Variants in PTPN4 observed in about 807,000 individuals in gnomAD.
The protein encoded by PTPN4 is protein tyrosine phosphatase non-receptor type 4, also known as tyrosine-protein phosphatase non-receptor type 4.
In PTPN4, 49 loss-of-function variants were observed where a neutral mutation model predicts 135.5. The ratio of observed to expected loss-of-function variants is 0.36; its 90% CI spans 0.29 to 0.46. PTPN4 has a LOEUF of 0.46. Among genes scored for constraint, PTPN4 ranks in the 20% least tolerant of loss-of-function variants. The pLI is 1.00. For missense variants in PTPN4, 860 were observed against 1,101.0 expected (o/e 0.78, Z 3.10); for synonymous variants, 333 against 369.9 (o/e 0.90, Z 1.14).
Position 119,760,318 on chromosome 2 carries a change from C to T in PTPN4, c.-84C>T, listed in dbSNP as rs1690457555. On this transcript the variant is annotated 5_prime_UTR_variant, in exon 1 of 27. Transcript: ENST00000263708. ...GGAGCGGCACGGAGGACGCGCTTCTCCTCTGCGCGCCGGGGCCTCGAGGCT... is the reference window on the plus strand; with the variant it reads ...GGAGCGGCACGGAGGACGCGCTTCTTCTCTGCGCGCCGGGGCCTCGAGGCT... 1 of 395,264 alleles carries T rather than the reference C, an allele frequency of 2.5e-6. No individual in the cohort carries two copies. The highest frequency in any genetic ancestry group is 4.5e-6 in the Non-Finnish European group (1 of 224,054). The allele number at this position is 395,264 out of a possible 1,614,324, so 24.5% of individuals were successfully genotyped here.
intron 11 of PTPN4, among the ~76,000 whole-genome samples, chr2:119,917,303 A>T (rs1678667067): frequency 6.6e-6 from 1 of 152,232 alleles, no homozygotes; most frequent in Admixed American, 6.5e-5. Context: ...AATTGATTAA[A>T]GACAGTATAC....
Position 119,954,051 on chromosome 2 carries a change from T to C in PTPN4, c.1814-1106T>C, listed in dbSNP as rs1679246226. Among the ~76,000 whole-genome samples, 4 of 152,228 alleles carry C rather than the reference T, an allele frequency of 2.6e-5. No homozygotes were observed. The South Asian group carries it at 8.3e-4, about 31-fold the overall frequency. ...TTCCATTCTTAAAGTTTCATATAAT[T>C]AAAATTTAAAACTGTGTTTGCCAAG... On this transcript the variant is annotated intron_variant, in intron 19 of 26. Coordinates refer to ENST00000263708, the MANE Select transcript of PTPN4 (RefSeq NM_002830.4).
chr2:119,787,976 A>G (rs1217978612), intron 1 of PTPN4, among the ~76,000 whole-genome samples: 1 of 152,206 alleles, frequency 6.6e-6, no homozygotes, highest in African/African-American at 2.4e-5. Context: ...GGAGTAGGGC[A>G]GTGCATTATT....
chr2:119,859,858 A>C (rs1365012574), intron 2 of PTPN4, among the ~76,000 whole-genome samples: 1 of 152,186 alleles, frequency 6.6e-6, no homozygotes, highest in Non-Finnish European at 1.5e-5. Flanking sequence ...CTAGTAGAGA[A>C]GGGCTCAGTT....
chr2:119,852,134 A>G (rs1274615687), intron 2 of PTPN4, among the ~76,000 whole-genome samples: 1 of 152,170 alleles, frequency 6.6e-6, no homozygotes, highest in East Asian at 1.9e-4. Flanking sequence ...CTTTGTTGGG[A>G]CAACTAAATT....
At chr2:119,807,738 A>G (rs1558732124) in intron 1 of PTPN4, among the ~76,000 whole-genome samples, 1 of 152,248 alleles carries the variant, frequency 6.6e-6, no homozygotes, top group Non-Finnish European at 1.5e-5. Context: ...GGCCAGCATC[A>G]TCCTGATACC....
At chr2:119,838,751 A>G (rs1677335351) in intron 2 of PTPN4, among the ~76,000 whole-genome samples, 1 of 152,250 alleles carries the variant, frequency 6.6e-6, no homozygotes, top group African/African-American at 2.4e-5. Context: ...AATAAGAAAG[A>G]CTGAAGAATC....
Position 119,804,454 on chromosome 2 carries a change from C to T in PTPN4, c.-17-5383C>T, listed in dbSNP as rs141256122. Among the ~76,000 whole-genome samples, 1,271 of 152,202 alleles carry T rather than the reference C, an allele frequency of 8.4e-3. 9 individuals are homozygous for T. The highest frequency in any genetic ancestry group is 0.012 in the Non-Finnish European group (807 of 67,992). On this transcript the variant is annotated intron_variant, in intron 1 of 26. Transcript: ENST00000263708. The stretch of plus-strand genomic sequence containing the variant: ...TGCCCTCCACCCAACGACAGGCCCC[C>T]GTGTGTGATGTTCCCCGCCCTGTGT...
At chr2:119,844,574 G>A (rs1464903254) in intron 2 of PTPN4, among the ~76,000 whole-genome samples, 3 of 149,848 alleles carry the variant, frequency 2.0e-5, no homozygotes, top group Admixed American at 6.6e-5. Context: ...CCTCCCAGAC[G>A]GGGTCTCGGC....
At chr2:119,767,401 T>A (rs1047952666) in intron 1 of PTPN4, among the ~76,000 whole-genome samples, 3 of 152,196 alleles carry the variant, frequency 2.0e-5, no homozygotes, top group African/African-American at 7.2e-5. Flanking sequence ...ACTAAATATT[T>A]TAGTGTGTAT....
In PTPN4 at chr2:119,945,063, A is replaced by G; in HGVS notation, c.1356-18A>G. ...AAAAAAGTTATGAAACAACTTCCAAATTTGTTTTCTTGTCTAGATCACAAG... is the reference window on the plus strand; with the variant it reads ...AAAAAAGTTATGAAACAACTTCCAAGTTTGTTTTCTTGTCTAGATCACAAG... On this transcript the variant is annotated intron_variant, in intron 15 of 26. Coordinates refer to ENST00000263708, the MANE Select transcript of PTPN4 (RefSeq NM_002830.4). 1 of 1,557,752 alleles carries G rather than the reference A, an allele frequency of 6.4e-7. No homozygotes were observed.
intron 10 of PTPN4, 41 bp from the exon 11 acceptor site, chr2:119,915,138 C>A: frequency 7.1e-7 from 1 of 1,408,082 alleles, no homozygotes; most frequent in South Asian, 1.4e-5. Context: ...ATATTTTTAT[C>A]ATTATTCAAT....
chr2:119,877,673 T>C, intron 5 of PTPN4, 131 bp downstream of exon 5: 1 of 1,219,664 alleles, frequency 8.2e-7, no homozygotes, highest in Non-Finnish European at 1.1e-6. Context: ...GAATAAGTTA[T>C]GGCTATTCCA....
chr2:119,782,643 T>C (rs1336105038), intron 1 of PTPN4, among the ~76,000 whole-genome samples: 3 of 151,696 alleles, frequency 2.0e-5, no homozygotes, highest in Admixed American at 1.3e-4. Flanking sequence ...TTACTAGATA[T>C]TACAGTTGTT....
intron 20 of PTPN4, among the ~76,000 whole-genome samples, 186 bp from the exon 21 acceptor site, chr2:119,956,658 A>C (rs1444292881): frequency 6.6e-6 from 1 of 152,230 alleles, no homozygotes; most frequent in Non-Finnish European, 1.5e-5. Context: ...TTTATGTTAG[A>C]AACTGAAGAA....
chr2:119,961,212 G>A (rs904241840), intron 23 of PTPN4, among the ~76,000 whole-genome samples: 3 of 33,144 alleles, frequency 9.1e-5, no homozygotes, highest in East Asian at 1.1e-3. Context: ...TGTGTCTAAC[G>A]TATATACAGA....
chr2:119,902,935 C>T (rs1421285014), intron 10 of PTPN4, among the ~76,000 whole-genome samples: 1 of 152,138 alleles, frequency 6.6e-6, no homozygotes, highest in Non-Finnish European at 1.5e-5. Context: ...AACACAATGC[C>T]ATTTTGAGAG....
intron 10 of PTPN4, among the ~76,000 whole-genome samples, chr2:119,908,514 C>T (rs1410000192): frequency 6.6e-6 from 1 of 152,126 alleles, no homozygotes; most frequent in East Asian, 1.9e-4. Flanking sequence ...CCATATAAGA[C>T]AGCTAACTTA....
At chr2:119,857,400 C>T (rs988057841) in intron 2 of PTPN4, among the ~76,000 whole-genome samples, 2 of 151,386 alleles carry the variant, frequency 1.3e-5, no homozygotes, top group African/African-American at 2.4e-5. Flanking sequence ...CAGGCTTGGT[C>T]GCGTGTGCCT....
Sources: allele counts gnomAD v4.1 joint callset (sites outside exome capture counted in the v4.1 genomes callset), GRCh38; gene constraint gnomAD v4.1.1; transcripts MANE v1.5; gene names NCBI Gene and HGNC (gene_info 2026-07-23, HGNC 2026-07-21).